The following ZSCAN5A variants were observed in gnomAD, a reference collection of about 807,000 sequenced individuals.
ZSCAN5A encodes the protein zinc finger and SCAN domain containing 5A.
Under a neutral mutation model 23.7 loss-of-function variants are expected in ZSCAN5A, and 12 were observed. That is an observed-to-expected ratio of 0.51 (90% CI 0.32 to 0.82). The LOEUF is 0.82. ZSCAN5A is among the 40% of genes least tolerant of loss of function. The pLI, the probability that ZSCAN5A is intolerant of heterozygous loss-of-function variation, is 0.03. For synonymous variants in ZSCAN5A, 257 were observed against 239.9 expected (o/e 1.07, Z -0.66); for missense variants, 597 against 617.9 (o/e 0.97, Z 0.36).
At position 56,360,293 on chromosome 19, in the gene ZSCAN5A, G is replaced by A. The variant is rs571707313; in HGVS notation, c.-358+2942C>T. Among the ~76,000 whole-genome samples the A allele has an allele frequency of 1.7e-4, 26 of 152,064 alleles. 1 individual carries two copies. The highest frequency in any genetic ancestry group is 3.1e-4 in the Non-Finnish European group (21 of 67,968). On this transcript the variant is annotated intron_variant, in intron 2 of 6. Transcript: ENST00000587340. ...TATAAACCAAGAACAGACAAGCAGC[G>A]AGCCAAATCATGAATAAATTCTCAT... is the stretch of plus-strand genomic sequence containing the variant.
At chr19:56,253,488 G>A (rs1320800723) in intron 2 of ZSCAN5A, among the ~76,000 whole-genome samples, 2 of 152,154 alleles carry the variant, frequency 1.3e-5, no homozygotes, top group South Asian at 2.1e-4. Context: ...AATAAAGCAC[G>A]CAAATAACAG....
intron 2 of ZSCAN5A, among the ~76,000 whole-genome samples, chr19:56,247,763 C>T (rs942611849): frequency 2.4e-4 from 37 of 152,084 alleles, no homozygotes; most frequent in Non-Finnish European, 4.0e-4. Flanking sequence ...GCGATCTCGG[C>T]TCACTGCCAG....
intron 2 of ZSCAN5A, among the ~76,000 whole-genome samples, chr19:56,307,812 A>T (rs1047594145): frequency 1.3e-5 from 2 of 152,222 alleles, no homozygotes; most frequent in Admixed American, 1.3e-4. Flanking sequence ...CACCTATTTT[A>T]AAAAATAGTT....
At chr19:56,241,281 C>T (rs1274049432) in intron 2 of ZSCAN5A, among the ~76,000 whole-genome samples, 35 of 152,148 alleles carry the variant, frequency 2.3e-4, no homozygotes, top group Non-Finnish European at 7.4e-5. Context: ...TTTTAAGAGA[C>T]AGGATCTCAC....
At chr19:56,256,056 C>T (rs2146797866) in intron 2 of ZSCAN5A, among the ~76,000 whole-genome samples, 1 of 152,168 alleles carries the variant, frequency 6.6e-6, no homozygotes, top group Middle Eastern at 3.4e-3. Flanking sequence ...AGAAAATGCA[C>T]ACACACTAAA....
intron 2 of ZSCAN5A, among the ~76,000 whole-genome samples, chr19:56,272,570 T>A (rs1227527577): frequency 6.6e-6 from 1 of 152,236 alleles, no homozygotes; most frequent in Non-Finnish European, 1.5e-5. Context: ...AGGGCAGGAT[T>A]TGGCCAGCAG....
intron 2 of ZSCAN5A, among the ~76,000 whole-genome samples, chr19:56,275,909 A>G (rs1232421000): frequency 6.6e-6 from 1 of 152,212 alleles, no homozygotes; most frequent in Non-Finnish European, 1.5e-5. Context: ...TTATCGATGG[A>G]TGGATGGGCT....
intron 2 of ZSCAN5A, among the ~76,000 whole-genome samples, chr19:56,276,921 T>C (rs1325331301): frequency 2.6e-5 from 4 of 151,950 alleles, no homozygotes. Flanking sequence ...ATATTATAAA[T>C]ATTTACAAAT....
intron 2 of ZSCAN5A, among the ~76,000 whole-genome samples, chr19:56,322,658 C>T (rs1600281285): frequency 6.6e-6 from 1 of 152,108 alleles, no homozygotes; most frequent in South Asian, 2.1e-4. Context: ...GACATGTAGT[C>T]GCCTCTCAGT....
chr19:56,267,804 T>C (rs142815564), intron 2 of ZSCAN5A, among the ~76,000 whole-genome samples: 97 of 152,330 alleles, frequency 6.4e-4, no homozygotes, highest in African/African-American at 2.1e-3. Context: ...GTAGGAGTTA[T>C]TATAGGCAAA....
At chr19:56,342,440 T>C in intron 2 of ZSCAN5A, 1 of 380,106 alleles carries the variant, frequency 2.6e-6, no homozygotes, top group South Asian at 2.7e-5. Context: ...ATTTTTAAAT[T>C]CTTGGGTTAA....
intron 2 of ZSCAN5A, among the ~76,000 whole-genome samples, chr19:56,329,583 G>A (rs2041470922): frequency 6.6e-6 from 1 of 151,018 alleles, no homozygotes; most frequent in Non-Finnish European, 1.5e-5. Flanking sequence ...GCAAGCAGAA[G>A]AAATAATAAT....
chr19:56,233,199 G>A (rs975976170), intron 2 of ZSCAN5A, among the ~76,000 whole-genome samples: 6 of 152,098 alleles, frequency 3.9e-5, no homozygotes, highest in African/African-American at 1.2e-4. Flanking sequence ...AATGGGTCAA[G>A]TTTTTACATT....
At chr19:56,234,618 C>T (rs758363615) in intron 2 of ZSCAN5A, among the ~76,000 whole-genome samples, 45 of 152,276 alleles carry the variant, frequency 3.0e-4, no homozygotes, top group East Asian at 9.7e-4. Context: ...ACTTAAAAAC[C>T]GATGTTATTC....
chr19:56,267,861 T>C (rs2146925226), intron 2 of ZSCAN5A, among the ~76,000 whole-genome samples: 1 of 152,312 alleles, frequency 6.6e-6, no homozygotes, highest in East Asian at 1.9e-4. Context: ...AGAAAAAGTA[T>C]CGACTGTTGC....
At chr19:56,287,717 T>C (rs1362216118) in intron 2 of ZSCAN5A, among the ~76,000 whole-genome samples, 2 of 152,202 alleles carry the variant, frequency 1.3e-5, no homozygotes. Context: ...AGAAATCATC[T>C]GAGTCATTAA....
intron 2 of ZSCAN5A, among the ~76,000 whole-genome samples, chr19:56,360,363 A>G (rs545951496): frequency 1.4e-4 from 22 of 152,320 alleles, no homozygotes; most frequent in Admixed American, 1.1e-3. Context: ...AATACAGCTA[A>G]TAAGGGGAAG....
At chr19:56,305,925 G>A (rs781645882) in intron 2 of ZSCAN5A, among the ~76,000 whole-genome samples, 2 of 151,556 alleles carry the variant, frequency 1.3e-5, no homozygotes, top group Non-Finnish European at 2.9e-5. Context: ...GCCCTGGGGT[G>A]GAAAGTGGCC....
intron 2 of ZSCAN5A, among the ~76,000 whole-genome samples, chr19:56,306,365 T>C (rs2040689791): frequency 9.0e-6 from 1 of 110,946 alleles, no homozygotes; most frequent in Non-Finnish European, 2.0e-5. Context: ...AAGAGGCTCC[T>C]CCCTGGCCTC....
Sources: gnomAD v4.1 joint callset for allele counts (sites outside exome capture counted in the v4.1 genomes callset) on GRCh38, gnomAD v4.1.1 for gene constraint, MANE v1.5 for transcripts, NCBI Gene and HGNC (gene_info 2026-07-23, HGNC 2026-07-21) for gene names.